RNF130: variants seen among roughly 807,000 people sequenced by gnomAD.
The protein encoded by RNF130 is ring finger protein 130, also known as E3 ubiquitin-protein ligase RNF130.
In RNF130, 21 loss-of-function variants were observed where a neutral mutation model predicts 44.6. That is an observed-to-expected ratio of 0.47 (90% CI 0.33 to 0.68). RNF130 has a LOEUF of 0.68. Ranked by LOEUF, RNF130 falls within the 30% of genes least tolerant of loss-of-function variation. The pLI, the probability that RNF130 is intolerant of heterozygous loss-of-function variation, is 0.02. For synonymous variants in RNF130, 214 were observed against 210.4 expected (o/e 1.02, Z -0.15); for missense variants, 479 against 560.6 (o/e 0.85, Z 1.47).
intron 7 of RNF130, among the ~76,000 whole-genome samples, chr5:179,964,579 G>A (rs1485158856): frequency 3.3e-5 from 5 of 152,244 alleles, no homozygotes; most frequent in East Asian, 3.8e-4. Context: ...TGCACAAGCT[G>A]TATACAGCAT....
chr5:180,001,127 G>C (rs1763323205), intron 3 of RNF130, among the ~76,000 whole-genome samples: 1 of 152,200 alleles, frequency 6.6e-6, no homozygotes. Flanking sequence ...TGCAGTTTCA[G>C]CTGAATTCAA....
intron 1 of RNF130, among the ~76,000 whole-genome samples, chr5:180,065,407 G>A (rs771519033): frequency 2.0e-5 from 3 of 152,100 alleles, no homozygotes; most frequent in Non-Finnish European, 4.4e-5. Flanking sequence ...ACACTCCACT[G>A]AGTGGATATA....
At chr5:180,012,412 C>G (rs528352101) in intron 3 of RNF130, among the ~76,000 whole-genome samples, 13 of 152,286 alleles carry the variant, frequency 8.5e-5, no homozygotes, top group Admixed American at 7.2e-4. Flanking sequence ...GTCCACAGCA[C>G]ATCAATCAAA....
At chr5:179,980,071 A>G in intron 4 of RNF130, 58 bp downstream of exon 4, 1 of 1,501,260 alleles carries the variant, frequency 6.7e-7, no homozygotes, top group South Asian at 1.1e-5. Flanking sequence ...TCTCCCACCA[A>G]ACAAAAACAA....
At chr5:180,055,317 T>A (rs1214405435) in intron 1 of RNF130, among the ~76,000 whole-genome samples, 2 of 149,604 alleles carry the variant, frequency 1.3e-5, no homozygotes, top group Non-Finnish European at 3.0e-5. Context: ...AATGCAATTT[T>A]TTTTTTCTTT....
intron 7 of RNF130, among the ~76,000 whole-genome samples, chr5:179,965,721 T>C (rs1762427113): frequency 6.6e-6 from 1 of 152,160 alleles, no homozygotes; most frequent in South Asian, 2.1e-4. Flanking sequence ...CAAACTACAC[T>C]CAAAGCACAG....
intron 3 of RNF130, among the ~76,000 whole-genome samples, chr5:179,981,404 A>C (rs1305421018): frequency 6.6e-6 from 1 of 152,226 alleles, no homozygotes; most frequent in Non-Finnish European, 1.5e-5. Flanking sequence ...ACACCTTAAG[A>C]ATGTTAAAAA....
At chr5:179,997,424 A>T (rs1650806) in intron 3 of RNF130, among the ~76,000 whole-genome samples, 32 of 152,166 alleles carry the variant, frequency 2.1e-4, no homozygotes, top group Non-Finnish European at 4.0e-4. Flanking sequence ...CCCAGGTTCA[A>T]GCCATTCTCC....
intron 1 of RNF130, among the ~76,000 whole-genome samples, chr5:180,056,755 G>T (rs1187584030): frequency 6.6e-6 from 1 of 152,098 alleles, no homozygotes; most frequent in Non-Finnish European, 1.5e-5. Flanking sequence ...GGACTGCATT[G>T]TTCTTAACCA....
At chr5:180,021,993 G>A (rs758946040) in intron 2 of RNF130, among the ~76,000 whole-genome samples, 1 of 152,156 alleles carries the variant, frequency 6.6e-6, no homozygotes, top group Non-Finnish European at 1.5e-5. Context: ...TGGCACTTTC[G>A]AAGACTACAT....
At chr5:180,054,050 C>T (rs909991493) in intron 1 of RNF130, among the ~76,000 whole-genome samples, 1 of 151,984 alleles carries the variant, frequency 6.6e-6, no homozygotes, top group African/African-American at 2.4e-5. Flanking sequence ...CTCTTGACCT[C>T]GTGATCTGCC....
chr5:179,984,705 T>C (rs1406578715), intron 3 of RNF130, among the ~76,000 whole-genome samples: 1 of 152,198 alleles, frequency 6.6e-6, no homozygotes, highest in Non-Finnish European at 1.5e-5. Flanking sequence ...TTTTGTTTTG[T>C]AGTAGTTCTG....
intron 3 of RNF130, among the ~76,000 whole-genome samples, chr5:179,989,470 C>G (rs375023644): frequency 2.0e-5 from 3 of 152,132 alleles, no homozygotes; most frequent in African/African-American, 2.4e-5. Flanking sequence ...TTGTCATATC[C>G]TCCTGCAGAA....
At chr5:180,029,150 A>G (rs1764064809) in intron 2 of RNF130, among the ~76,000 whole-genome samples, 1 of 152,240 alleles carries the variant, frequency 6.6e-6, no homozygotes, top group South Asian at 2.1e-4. Flanking sequence ...TAGAGGTACT[A>G]TATCATCCAA....
chr5:180,020,794 G>A (rs374394868), intron 2 of RNF130, among the ~76,000 whole-genome samples: 3 of 152,174 alleles, frequency 2.0e-5, no homozygotes, highest in African/African-American at 4.8e-5. Flanking sequence ...AGAGGCAGAA[G>A]GGGGGTGGGC....
chr5:179,925,227 AC>A (rs1025524401), intron 7 of RNF130, among the ~76,000 whole-genome samples: 3 of 152,028 alleles, frequency 2.0e-5, no homozygotes, highest in Non-Finnish European at 2.9e-5. Flanking sequence ...TTTCAGCCTC[AC>A]CCCCCAGCCT....
At chr5:179,971,657 C>T (rs2113708693) in intron 5 of RNF130, among the ~76,000 whole-genome samples, 1 of 152,302 alleles carries the variant, frequency 6.6e-6, no homozygotes, top group East Asian at 1.9e-4. Flanking sequence ...GCGTGAGCCA[C>T]CACACCCGGC....
At chr5:179,950,427 C>T (rs1378188987), downstream of RNF130, among the ~76,000 whole-genome samples, 2 of 152,148 alleles carry the variant, frequency 1.3e-5, no homozygotes, top group Admixed American at 6.5e-5. Context: ...TAAATAACTG[C>T]ATTTTGATAC....
chr5:180,014,969 G>A (rs1404575118), intron 2 of RNF130, among the ~76,000 whole-genome samples: 2 of 152,180 alleles, frequency 1.3e-5, no homozygotes, highest in Admixed American at 1.3e-4. Context: ...CTGGGTGACA[G>A]AGCAAGACCC....
Sources: gnomAD v4.1 joint callset for allele counts (sites outside exome capture counted in the v4.1 genomes callset) on GRCh38, gnomAD v4.1.1 for gene constraint, MANE v1.5 for transcripts, NCBI Gene and HGNC (gene_info 2026-07-23, HGNC 2026-07-21) for gene names.